RMDN2: variants seen among roughly 807,000 people sequenced by gnomAD.
RMDN2 encodes the protein regulator of microtubule dynamics 2, also known as regulator of microtubule dynamics protein 2.
Under a neutral mutation model 52.8 loss-of-function variants are expected in RMDN2, and 61 were observed. The ratio of observed to expected loss-of-function variants is 1.16; its 90% CI spans 0.94 to 1.43. The LOEUF (loss-of-function observed/expected upper bound fraction) is 1.43. RMDN2 is among the 40% of genes most tolerant of loss of function. The pLI, the probability that RMDN2 is intolerant of heterozygous loss-of-function variation, is 0.00. For synonymous variants in RMDN2, 180 were observed against 153.1 expected (o/e 1.18, Z -1.30); for missense variants, 592 against 475.3 (o/e 1.25, Z -2.28).
chr2:38,024,244 G>T (rs900251620), intron 10 of RMDN2, among the ~76,000 whole-genome samples: 2 of 152,114 alleles, frequency 1.3e-5, no homozygotes, highest in Non-Finnish European at 2.9e-5. Context: ...AATCATCTAT[G>T]AAAATTCATA....
intron 10 of RMDN2, among the ~76,000 whole-genome samples, chr2:38,049,183 G>T (rs1364792231): frequency 6.6e-6 from 1 of 152,184 alleles, no homozygotes; most frequent in Non-Finnish European, 1.5e-5. Flanking sequence ...CGCCTAGGAT[G>T]GAGCAAGTCA....
intron 6 of RMDN2, among the ~76,000 whole-genome samples, chr2:37,990,510 C>G (rs552308253): frequency 2.7e-4 from 29 of 108,190 alleles, no homozygotes; most frequent in African/African-American, 8.9e-4. Context: ...TAGAATGAGA[C>G]TCCATCTCAA....
intron 10 of RMDN2, chr2:38,028,050 G>C (rs1019628863): frequency 6.6e-6 from 1 of 152,092 alleles, no homozygotes; most frequent in Admixed American, 6.5e-5. Context: ...TATTTCCCTT[G>C]TGTTCTTCAG....
chr2:37,945,464 C>T (rs1572734330), intron 2 of RMDN2, among the ~76,000 whole-genome samples: 1 of 152,306 alleles, frequency 6.6e-6, no homozygotes, highest in East Asian at 1.9e-4. Flanking sequence ...AAGTGTCCAA[C>T]ATCCATTCAC....
intron 7 of RMDN2, among the ~76,000 whole-genome samples, chr2:37,994,868 G>A (rs1280149043): frequency 6.6e-6 from 1 of 152,108 alleles, no homozygotes; most frequent in African/African-American, 2.4e-5. Flanking sequence ...ATAACAACAT[G>A]CATGACTCTT....
At chr2:37,931,122 G>T (rs567567014) in intron 2 of RMDN2, among the ~76,000 whole-genome samples, 1 of 151,702 alleles carries the variant, frequency 6.6e-6, no homozygotes, top group Non-Finnish European at 1.5e-5. Context: ...ACAACTTTTT[G>T]TTGTTGTTCA....
chr2:37,973,251 G>T (rs997462163), intron 2 of RMDN2, among the ~76,000 whole-genome samples: 3 of 152,122 alleles, frequency 2.0e-5, no homozygotes, highest in Middle Eastern at 3.2e-3. Context: ...TGTATTGTTT[G>T]CTGGCAAAAA....
chr2:38,007,733 C>G (rs954575449), intron 10 of RMDN2, among the ~76,000 whole-genome samples: 1 of 152,098 alleles, frequency 6.6e-6, no homozygotes, highest in African/African-American at 2.4e-5. Flanking sequence ...TTAGTTATTT[C>G]TTGCCTTCTG....
chr2:38,003,949 AATATTGCCC>A (rs1379339230), intron 8 of RMDN2, 33 bp from the exon 9 acceptor site: 1 of 1,424,534 alleles, frequency 7.0e-7, no homozygotes, highest in Non-Finnish European at 9.9e-7. Context: ...CTGTTATTTT[AATATTGCCC>A]TGTTATTCTC....
intron 10 of RMDN2, among the ~76,000 whole-genome samples, chr2:38,034,830 A>G: frequency 6.1e-5 from 1 of 16,294 alleles, no homozygotes; most frequent in Non-Finnish European, 9.6e-5. Context: ...TTAAAATTTA[A>G]TAAGTAGAAA....
chr2:38,048,651 A>G (rs115109083), intron 10 of RMDN2, among the ~76,000 whole-genome samples: 2,328 of 152,344 alleles, frequency 0.015, 56 homozygotes, highest in African/African-American at 0.052. Flanking sequence ...CATCTGGAAA[A>G]TGACCTCCGA....
intron 2 of RMDN2, among the ~76,000 whole-genome samples, chr2:37,947,945 C>T (rs1358780580): frequency 6.6e-6 from 1 of 152,080 alleles, no homozygotes; most frequent in Non-Finnish European, 1.5e-5. Context: ...ATCTAGGTAC[C>T]AGGAGGGGGA....
intron 5 of RMDN2, among the ~76,000 whole-genome samples, chr2:37,981,893 A>T (rs879642545): frequency 6.6e-6 from 1 of 151,966 alleles, no homozygotes; most frequent in Non-Finnish European, 1.5e-5. Context: ...TATTTTATAA[A>T]TATAAATTAT....
At chr2:38,022,548 C>A (rs1010786772), downstream of RMDN2, among the ~76,000 whole-genome samples, 5 of 152,206 alleles carry the variant, frequency 3.3e-5, 1 homozygote. Context: ...AGTTCTGACC[C>A]AAACTTTGAA....
chr2:37,997,657 A>G lies in RMDN2; in HGVS notation c.1044+143A>G, dbSNP rs998488298. 2.3e-5 allele frequency: 14 copies of G among 620,628 alleles called. No individual in the cohort carries two copies. The African/African-American group carries it at 2.6e-4, about 11-fold the overall frequency. 38.4% of individuals were successfully genotyped at this position (620,628 alleles called of 1,614,324 possible). A position where few individuals can be genotyped will look rare whatever the true frequency, so the allele number is the denominator to read the frequency against. On this transcript the variant is annotated intron_variant, in intron 8 of 10. Coordinates refer to ENST00000354545, the MANE Select transcript of RMDN2 (RefSeq NM_001170791.3). ...TGGCATGTTCTGTTTTAAGCCCCTCATAATGCAAGTTATTAATATGTTTTA... is the reference window on the plus strand; with the variant it reads ...TGGCATGTTCTGTTTTAAGCCCCTCGTAATGCAAGTTATTAATATGTTTTA...
intron 10 of RMDN2, chr2:38,036,428 G>C (rs1680583285): frequency 6.6e-6 from 1 of 152,222 alleles, no homozygotes; most frequent in African/African-American, 2.4e-5. Flanking sequence ...CTTCACTGTT[G>C]TTGCCTTTTA....
chr2:38,043,632 G>A (rs753876048), intron 10 of RMDN2, among the ~76,000 whole-genome samples: 20 of 151,296 alleles, frequency 1.3e-4, no homozygotes, highest in Non-Finnish European at 1.9e-4. Flanking sequence ...ATTTTCTCTC[G>A]TCCTTTACTA....
intron 2 of RMDN2, chr2:37,951,554 C>T: frequency 2.5e-6 from 4 of 1,612,686 alleles, no homozygotes; most frequent in Non-Finnish European, 3.4e-6. Context: ...TAAAATCTTC[C>T]TCAGACCATT....
intron 2 of RMDN2, among the ~76,000 whole-genome samples, chr2:37,964,519 C>A (rs1338330543): frequency 6.6e-6 from 1 of 152,120 alleles, no homozygotes; most frequent in African/African-American, 2.4e-5. Flanking sequence ...TTTCTAGTTT[C>A]ATGTTTATTG....
Sources: allele counts gnomAD v4.1 joint callset (sites outside exome capture counted in the v4.1 genomes callset), GRCh38; gene constraint gnomAD v4.1.1; transcripts MANE v1.5; gene names NCBI Gene and HGNC (gene_info 2026-07-23, HGNC 2026-07-21).